The following TMEFF1 variants were observed in gnomAD, a reference collection of about 807,000 sequenced individuals.
TMEFF1 encodes the protein tomoregulin-1.
In TMEFF1, 20 loss-of-function variants were observed where a neutral mutation model predicts 47.5. The observed-to-expected ratio is 0.42, with a 90% CI of 0.30 to 0.61. The LOEUF (loss-of-function observed/expected upper bound fraction) is 0.61, where lower values mean the gene tolerates loss of function less well. TMEFF1 is among the 20% of genes least tolerant of loss of function. The pLI is 0.19. For missense variants in TMEFF1, 411 were observed against 471.1 expected (o/e 0.87, Z 1.18); for synonymous variants, 162 against 166.3 (o/e 0.97, Z 0.20).
chr9:100,522,694 C>T (rs944739153), intron 5 of TMEFF1, among the ~76,000 whole-genome samples: 2 of 151,804 alleles, frequency 1.3e-5, no homozygotes, highest in Admixed American at 1.3e-4. Flanking sequence ...CTCGGCCTCC[C>T]AAAGTGCTGG....
intron 1 of TMEFF1, among the ~76,000 whole-genome samples, chr9:100,493,951 G>C (rs1033983704): frequency 2.0e-5 from 3 of 152,142 alleles, no homozygotes; most frequent in Non-Finnish European, 4.4e-5. Flanking sequence ...GGGAGGCTGA[G>C]GTGGGCAGAT....
At chr9:100,539,948 C>G (rs1228707558) in intron 5 of TMEFF1, among the ~76,000 whole-genome samples, 1 of 152,170 alleles carries the variant, frequency 6.6e-6, no homozygotes, top group Non-Finnish European at 1.5e-5. Flanking sequence ...CTCCAAGTCC[C>G]CTACCCAATT....
At chr9:100,477,751 C>G (rs1049678801) in intron 1 of TMEFF1, among the ~76,000 whole-genome samples, 18 of 151,660 alleles carry the variant, frequency 1.2e-4, no homozygotes, top group African/African-American at 3.1e-4. Flanking sequence ...TCAAGCCTCC[C>G]GAGTAGCTGG....
At chr9:100,483,365 C>T (rs1215265898) in intron 1 of TMEFF1, among the ~76,000 whole-genome samples, 1 of 152,074 alleles carries the variant, frequency 6.6e-6, no homozygotes, top group Non-Finnish European at 1.5e-5. Context: ...GGCATGGTGG[C>T]GCATGCCTGT....
intron 1 of TMEFF1, among the ~76,000 whole-genome samples, chr9:100,486,293 A>G (rs1281959489): frequency 6.6e-6 from 1 of 152,148 alleles, no homozygotes. Context: ...CCCAGGCTGG[A>G]GTGCAATGAC....
At chr9:100,545,204 C>T (rs960328871) in intron 5 of TMEFF1, among the ~76,000 whole-genome samples, 5 of 152,228 alleles carry the variant, frequency 3.3e-5, no homozygotes, top group Non-Finnish European at 5.9e-5. Context: ...TTCCCTTCCA[C>T]GCTGCCCTAG....
chr9:100,512,634 A>G (rs1012748295), intron 3 of TMEFF1, among the ~76,000 whole-genome samples: 1 of 152,216 alleles, frequency 6.6e-6, no homozygotes, highest in Non-Finnish European at 1.5e-5. Context: ...AGGATTATAG[A>G]ATAAATATTT....
chr9:100,545,513 T>G (rs2118502707), intron 5 of TMEFF1, among the ~76,000 whole-genome samples: 1 of 152,272 alleles, frequency 6.6e-6, no homozygotes, highest in African/African-American at 2.4e-5. Context: ...CAGGAAACCA[T>G]GTTTTCCTCC....
chr9:100,533,101 G>A (rs997732337), intron 5 of TMEFF1, among the ~76,000 whole-genome samples: 2 of 119,568 alleles, frequency 1.7e-5, no homozygotes, highest in African/African-American at 3.2e-5. Context: ...GGTGGGGGGA[G>A]GGGGGAGGGA....
intron 2 of TMEFF1, among the ~76,000 whole-genome samples, chr9:100,506,740 C>T (rs1212027150): frequency 1.5e-5 from 2 of 135,438 alleles, no homozygotes; most frequent in Non-Finnish European, 3.0e-5. Flanking sequence ...GCTCTCCAGC[C>T]TAGGCGACAG....
chr9:100,493,366 G>A (rs776806394), intron 1 of TMEFF1, among the ~76,000 whole-genome samples: 3 of 152,076 alleles, frequency 2.0e-5, no homozygotes, highest in Admixed American at 6.5e-5. Context: ...TCTTTTTAAC[G>A]GAAGGGTGGT....
In TMEFF1 at chr9:100,576,681, A is replaced by G; in HGVS notation, c.*81A>G. ...TTTAAAGAATGGAAATATTTATTTC[A>G]GAGGCCTTATTTTTGGACATTTTTA... On this transcript the variant is annotated 3_prime_UTR_variant, in exon 10 of 10. Transcript: ENST00000374879. 1.3e-6 allele frequency: 2 copies of G among 1,515,672 alleles called. No individual in the cohort carries two copies. The highest frequency in any genetic ancestry group is 1.8e-6 in the Non-Finnish European group (2 of 1,128,670). 93.9% of individuals were successfully genotyped at this position (1,515,672 alleles called of 1,614,324 possible).
At chr9:100,527,856 C>A (rs981627801) in intron 5 of TMEFF1, among the ~76,000 whole-genome samples, 126 of 151,978 alleles carry the variant, frequency 8.3e-4, no homozygotes, top group African/African-American at 2.7e-3. Context: ...ACAGCTTTGA[C>A]GAGAGCAGTG....
intron 1 of TMEFF1, among the ~76,000 whole-genome samples, chr9:100,487,685 C>A (rs181513021): frequency 6.6e-6 from 1 of 151,786 alleles, no homozygotes; most frequent in African/African-American, 2.4e-5. Context: ...GCCAGAGTAA[C>A]AGTCAGTTTT....
chr9:100,503,535 A>AACACACACACACAC (rs66485935), intron 2 of TMEFF1, among the ~76,000 whole-genome samples: 15 of 144,048 alleles, frequency 1.0e-4, no homozygotes, highest in African/African-American at 3.4e-4. Context: ...GAGAAACAGA[A>AACACACACACACAC]ACACACACAC....
At chr9:100,477,620 CTTTTTTTT>C (rs869245620) in intron 1 of TMEFF1, among the ~76,000 whole-genome samples, 1 of 106,750 alleles carries the variant, frequency 9.4e-6, no homozygotes, top group African/African-American at 4.0e-5. Flanking sequence ...TGCATTCCGC[CTTTTTTTT>C]TTTTTTTTTT....
At chr9:100,511,890 A>G (rs1203208546) in intron 3 of TMEFF1, among the ~76,000 whole-genome samples, 1 of 152,176 alleles carries the variant, frequency 6.6e-6, no homozygotes, top group Non-Finnish European at 1.5e-5. Context: ...TACAGGGAGA[A>G]TTCTACCTTG....
intron 3 of TMEFF1, among the ~76,000 whole-genome samples, chr9:100,509,781 A>AG (rs71371000): frequency 0.03 from 4,547 of 151,962 alleles, 88 homozygotes; most frequent in African/African-American, 0.037. Flanking sequence ...CTCAGAAAAA[A>AG]AAAAAAAAAA....
intron 9 of TMEFF1, 103 bp from the exon 10 acceptor site, chr9:100,576,413 T>G: frequency 7.1e-7 from 1 of 1,414,010 alleles, no homozygotes; most frequent in Admixed American, 2.5e-5. Flanking sequence ...GCTTGCAATG[T>G]GGCTTTATGT....
Sources: allele counts gnomAD v4.1 joint callset (sites outside exome capture counted in the v4.1 genomes callset), GRCh38; gene constraint gnomAD v4.1.1; transcripts MANE v1.5; gene names NCBI Gene and HGNC (gene_info 2026-07-23, HGNC 2026-07-21).